SLC4A10: variants seen among roughly 807,000 people sequenced by gnomAD.
SLC4A10 encodes the protein solute carrier family 4 member 10, also known as sodium-driven chloride bicarbonate exchanger.
A neutral mutation model predicts 137.7 loss-of-function variants in SLC4A10; 42 were observed. The ratio of observed to expected loss-of-function variants is 0.30; its 90% CI spans 0.24 to 0.39. The LOEUF (loss-of-function observed/expected upper bound fraction) is 0.39, where lower values mean the gene tolerates loss of function less well. Ranked by LOEUF, SLC4A10 falls within the 10% of genes least tolerant of loss-of-function variation. SLC4A10 has a pLI of 1.00. For synonymous variants in SLC4A10, 474 were observed against 464.1 expected (o/e 1.02, Z -0.27); for missense variants, 925 against 1,355.0 (o/e 0.68, Z 4.98).
intron 1 of SLC4A10, among the ~76,000 whole-genome samples, chr2:161,718,152 A>G (rs1350528263): frequency 6.6e-6 from 1 of 151,742 alleles, no homozygotes; most frequent in Admixed American, 6.6e-5. Flanking sequence ...CCCCTTTATC[A>G]TTTTTACTGT....
intron 2 of SLC4A10, among the ~76,000 whole-genome samples, chr2:161,773,055 G>A (rs1184134463): frequency 6.6e-6 from 1 of 151,874 alleles, no homozygotes; most frequent in Admixed American, 6.6e-5. Context: ...TCTGTTTGGT[G>A]TTACTATAAC....
chr2:161,918,483 TA>T (rs943647493), intron 15 of SLC4A10, among the ~76,000 whole-genome samples: 2 of 152,048 alleles, frequency 1.3e-5, no homozygotes, highest in African/African-American at 2.4e-5. Flanking sequence ...AAATAGGAAA[TA>T]AAAATATAAG....
intron 1 of SLC4A10, among the ~76,000 whole-genome samples, chr2:161,639,773 G>A (rs1574037548): frequency 6.6e-6 from 1 of 152,236 alleles, no homozygotes. Context: ...CCTAGCCAGA[G>A]CAATTAGGCA....
In SLC4A10 at chr2:161,848,605, C is replaced by A. The variant is rs190314991; in HGVS notation, c.417-6365C>A. Among the ~76,000 whole-genome samples the A allele has an allele frequency of 2.6e-5, 4 of 152,234 alleles. No individual in the cohort carries two copies. In the East Asian group the frequency reaches 7.7e-4, roughly 29 times the overall value. On this transcript the variant is annotated intron_variant, in intron 4 of 26. Coordinates refer to ENST00000446997, the MANE Select transcript of SLC4A10 (RefSeq NM_001178015.2). ...GTTTCAATCTTCTGCATATGGCTAG[C>A]CAGTTATCCCAGCAGCATTTATTGA...
chr2:161,974,915 C>T (rs1039982442), intron 24 of SLC4A10, among the ~76,000 whole-genome samples: 2 of 152,112 alleles, frequency 1.3e-5, no homozygotes, highest in African/African-American at 2.4e-5. Flanking sequence ...TCTCTGTCTC[C>T]CTCTCAATAT....
chr2:161,975,375 T>G (rs1023144136), intron 24 of SLC4A10, among the ~76,000 whole-genome samples: 6 of 152,170 alleles, frequency 3.9e-5, no homozygotes, highest in Non-Finnish European at 8.8e-5. Context: ...AGTTTGGAGA[T>G]TCACAATGCA....
chr2:161,976,918 T>C, intron 25 of SLC4A10, 42 bp downstream of exon 25: 2 of 1,078,556 alleles, frequency 1.9e-6, no homozygotes, highest in South Asian at 3.4e-5. Flanking sequence ...TAATTCCAAT[T>C]GTTTTTTGAC....
intron 1 of SLC4A10, among the ~76,000 whole-genome samples, chr2:161,705,644 T>A (rs2043578519): frequency 6.6e-6 from 1 of 151,632 alleles, no homozygotes; most frequent in African/African-American, 2.4e-5. Context: ...GGCAGAGACC[T>A]CATAAATTGA....
At chr2:161,970,221 A>G (rs1414737944) in intron 23 of SLC4A10, among the ~76,000 whole-genome samples, 1 of 152,242 alleles carries the variant, frequency 6.6e-6, no homozygotes, top group African/African-American at 2.4e-5. Context: ...TTAGAGACAC[A>G]GAATCTAATA....
chr2:161,963,178 T>A (rs562709069), intron 21 of SLC4A10, among the ~76,000 whole-genome samples: 1 of 152,174 alleles, frequency 6.6e-6, no homozygotes, highest in African/African-American at 2.4e-5. Context: ...TGATTAAAGA[T>A]TTAAGCTTCC....
At chr2:161,890,089 T>C (rs2062758813) in intron 10 of SLC4A10, among the ~76,000 whole-genome samples, 1 of 152,186 alleles carries the variant, frequency 6.6e-6, no homozygotes, top group Admixed American at 6.5e-5. Context: ...TCCACGTAGT[T>C]GTGTGGTTTT....
chr2:161,702,970 T>C (rs2043277180), intron 1 of SLC4A10, among the ~76,000 whole-genome samples: 1 of 151,776 alleles, frequency 6.6e-6, no homozygotes, highest in East Asian at 1.9e-4. Flanking sequence ...CTACCTTTCC[T>C]TTTCCATTTT....
intron 2 of SLC4A10, among the ~76,000 whole-genome samples, chr2:161,789,862 A>T (rs1022091485): frequency 7.2e-5 from 11 of 152,172 alleles, no homozygotes; most frequent in African/African-American, 2.7e-4. Flanking sequence ...AAGCATTGGG[A>T]TTGTGTCTGG....
intron 1 of SLC4A10, among the ~76,000 whole-genome samples, chr2:161,668,676 C>G (rs974150986): frequency 3.3e-5 from 5 of 151,740 alleles, no homozygotes; most frequent in Admixed American, 2.6e-4. Context: ...TATTTCAATT[C>G]TCATATGTTG....
At chr2:161,880,157 A>T (rs761198405) in intron 9 of SLC4A10, among the ~76,000 whole-genome samples, 17 of 152,048 alleles carry the variant, frequency 1.1e-4, no homozygotes, top group Non-Finnish European at 2.2e-4. Flanking sequence ...ACAGCAAAAC[A>T]TGTATATTTA....
intron 6 of SLC4A10, among the ~76,000 whole-genome samples, chr2:161,871,971 T>C (rs1350653634): frequency 6.6e-6 from 1 of 152,190 alleles, no homozygotes; most frequent in Non-Finnish European, 1.5e-5. Flanking sequence ...GCCATTAGTT[T>C]TGGTTGGAAT....
chr2:161,793,620 T>C (rs2054447063), intron 2 of SLC4A10, among the ~76,000 whole-genome samples: 1 of 152,226 alleles, frequency 6.6e-6, no homozygotes, highest in African/African-American at 2.4e-5. Context: ...CTCTCTCTCT[T>C]CTTAATGCGT....
At position 161,897,032 on chromosome 2, in the gene SLC4A10, T is replaced by G. The variant is rs556079846; in HGVS notation, c.1341+2207T>G. On this transcript the variant is annotated intron_variant, in intron 11 of 26. Coordinates refer to ENST00000446997, the MANE Select transcript of SLC4A10 (RefSeq NM_001178015.2). The stretch of plus-strand genomic sequence containing the variant: ...GACTTAATCATATTATATAGAAAAC[T>G]CCATATTTATTACTGCTAATCACAG... Among the ~76,000 whole-genome samples, 21 of 152,190 alleles carry G rather than the reference T, an allele frequency of 1.4e-4. No homozygotes were observed. The East Asian group carries it at 2.9e-3, about 21-fold the overall frequency.
rs188157754 is a variant in SLC4A10, at chr2:161,757,061, C to T, written c.49-13912C>T. On this transcript the variant is annotated intron_variant, in intron 1 of 26. Transcript: ENST00000446997. ...AAGTCAGCTCACTTATAAGCAAAAG[C>T]TAAACATTGAGTAAGATGGACATAA... 3.3e-5 allele frequency among the ~76,000 whole-genome samples: 5 copies of T among 152,144 alleles called. No homozygotes were observed. In the East Asian group the frequency reaches 9.7e-4, roughly 29 times the overall value.
Sources: allele counts gnomAD v4.1 joint callset (sites outside exome capture counted in the v4.1 genomes callset), GRCh38; gene constraint gnomAD v4.1.1; transcripts MANE v1.5; gene names NCBI Gene and HGNC (gene_info 2026-07-23, HGNC 2026-07-21).